FRMD4B: variants seen among roughly 807,000 people sequenced by gnomAD.
FRMD4B encodes FERM domain containing 4B, also known as FERM domain-containing protein 4B.
FRMD4B carries 74 observed loss-of-function variants against 141.5 expected under a neutral mutation model. The ratio of observed to expected loss-of-function variants is 0.52; its 90% CI spans 0.43 to 0.63. FRMD4B has a LOEUF of 0.63. Ranked by LOEUF, FRMD4B falls within the 30% of genes least tolerant of loss-of-function variation. FRMD4B has a pLI of 0.00. For synonymous variants in FRMD4B, 506 were observed against 467.9 expected (o/e 1.08, Z -1.05); for missense variants, 1,366 against 1,253.4 (o/e 1.09, Z -1.36).
rs1046604221 is a variant in FRMD4B, at chr3:69,206,473, C to T, written c.877-7699G>A. 2.6e-5 allele frequency among the ~76,000 whole-genome samples: 4 copies of T among 152,138 alleles called. No individual in the cohort carries two copies. In the South Asian group the frequency reaches 6.2e-4, roughly 24 times the overall value. ...TATTGGGAAATGTATAACGTAAAAA[C>T]GAGAACACCTAAAAGGATGTCATCA... On this transcript the variant is annotated intron_variant, in intron 11 of 22. Transcript: ENST00000398540.
At chr3:69,481,452 G>C (rs1011747014) in intron 1 of FRMD4B, among the ~76,000 whole-genome samples, 1 of 152,076 alleles carries the variant, frequency 6.6e-6, no homozygotes, top group African/African-American at 2.4e-5. Flanking sequence ...GGACTTTTTT[G>C]GTTATAGATG....
At chr3:69,289,983 T>C (rs2107086601) in intron 4 of FRMD4B, among the ~76,000 whole-genome samples, 1 of 152,290 alleles carries the variant, frequency 6.6e-6, no homozygotes, top group South Asian at 2.1e-4. Context: ...GAGCACTTCC[T>C]AAGGCAACTT....
chr3:69,413,472 C>A (rs1704795361), intron 2 of FRMD4B, among the ~76,000 whole-genome samples: 1 of 152,204 alleles, frequency 6.6e-6, no homozygotes, highest in Non-Finnish European at 1.5e-5. Flanking sequence ...ATTAGGCACA[C>A]TAAATGTTCT....
intron 1 of FRMD4B, among the ~76,000 whole-genome samples, chr3:69,380,457 G>T (rs564176082): frequency 6.6e-6 from 1 of 152,166 alleles, no homozygotes; most frequent in Non-Finnish European, 1.5e-5. Flanking sequence ...ATAAACCAGA[G>T]CTAACATTTA....
At chr3:69,505,063 G>A (rs17006036) in intron 1 of FRMD4B, among the ~76,000 whole-genome samples, 2,374 of 145,610 alleles carry the variant, frequency 0.016, 62 homozygotes, top group African/African-American at 0.058. Flanking sequence ...GATGGACAAG[G>A]ACACTCCCAA....
intron 1 of FRMD4B, among the ~76,000 whole-genome samples, chr3:69,482,078 T>G (rs995260593): frequency 6.6e-6 from 1 of 152,180 alleles, no homozygotes; most frequent in African/African-American, 2.4e-5. Context: ...GAAATTCTGT[T>G]TGGGGACAAA....
intron 2 of FRMD4B, among the ~76,000 whole-genome samples, chr3:69,415,418 T>C (rs1383824562): frequency 6.6e-6 from 1 of 152,080 alleles, no homozygotes; most frequent in Non-Finnish European, 1.5e-5. Flanking sequence ...ATGTCTGTGG[T>C]CAAGCCCCAT....
intron 1 of FRMD4B, among the ~76,000 whole-genome samples, chr3:69,365,598 A>AT (rs111813112): frequency 0.23 from 34,903 of 151,310 alleles, 5,306 homozygotes; most frequent in African/African-American, 0.44. Flanking sequence ...TGCCTCCCGA[A>AT]TCAAGCAATT....
At chr3:69,424,648 GA>G (rs1188654341) in intron 2 of FRMD4B, among the ~76,000 whole-genome samples, 2 of 152,144 alleles carry the variant, frequency 1.3e-5, no homozygotes, top group Admixed American at 6.5e-5. Flanking sequence ...TTAAACAAAT[GA>G]GATATTTTTT....
At chr3:69,365,538 T>A (rs939760864) in intron 1 of FRMD4B, among the ~76,000 whole-genome samples, 2 of 151,658 alleles carry the variant, frequency 1.3e-5, no homozygotes, top group Non-Finnish European at 2.9e-5. Context: ...GGAGTCTTGC[T>A]CTGTTGCCCA....
intron 1 of FRMD4B, among the ~76,000 whole-genome samples, chr3:69,521,895 C>T (rs1478450471): frequency 6.6e-6 from 1 of 152,196 alleles, no homozygotes; most frequent in Non-Finnish European, 1.5e-5. Flanking sequence ...CCACGTTGCA[C>T]CCTCTTGCTC....
chr3:69,474,534 C>T (rs1015526085), intron 1 of FRMD4B, among the ~76,000 whole-genome samples: 2 of 152,134 alleles, frequency 1.3e-5, no homozygotes, highest in Non-Finnish European at 2.9e-5. Flanking sequence ...CAGTGGAGTT[C>T]CTGGTAGTTC....
At chr3:69,202,988 T>C (rs766380718) in intron 11 of FRMD4B, among the ~76,000 whole-genome samples, 8 of 151,464 alleles carry the variant, frequency 5.3e-5, no homozygotes, top group Admixed American at 2.0e-4. Context: ...AATTTAAAAC[T>C]GACACAGAAA....
At chr3:69,202,479 T>TA (rs1185152077) in intron 11 of FRMD4B, among the ~76,000 whole-genome samples, 3,467 of 126,970 alleles carry the variant, frequency 0.027, 131 homozygotes, top group African/African-American at 0.086. Context: ...ATTAGAGACT[T>TA]AAAAAAAAAA....
At chr3:69,295,078 T>C (rs901655927) in intron 4 of FRMD4B, among the ~76,000 whole-genome samples, 7 of 152,172 alleles carry the variant, frequency 4.6e-5, no homozygotes, top group African/African-American at 1.4e-4. Flanking sequence ...TTAACATTTA[T>C]ATAGGGTCTA....
At chr3:69,216,984 T>TAA (rs879663207) in intron 10 of FRMD4B, among the ~76,000 whole-genome samples, 6 of 143,216 alleles carry the variant, frequency 4.2e-5, no homozygotes, top group African/African-American at 1.5e-4. Flanking sequence ...AGTTATCCAT[T>TAA]AAAAAAAAAA....
At chr3:69,282,761 C>T (rs1010272078) in intron 5 of FRMD4B, among the ~76,000 whole-genome samples, 3 of 151,998 alleles carry the variant, frequency 2.0e-5, no homozygotes, top group African/African-American at 7.2e-5. Flanking sequence ...CCTCAGCCTC[C>T]GGAGTAGGTG....
chr3:69,396,085 C>G (rs1036151298), intron 2 of FRMD4B, among the ~76,000 whole-genome samples: 3 of 152,176 alleles, frequency 2.0e-5, no homozygotes, highest in African/African-American at 7.2e-5. Flanking sequence ...ACCTATTCCC[C>G]TCTTTTTCAA....
chr3:69,181,562 A>G lies in FRMD4B; in HGVS notation c.2188T>C (p.Ser730Pro). 6.2e-7 allele frequency: 1 copy of G among 1,613,726 alleles called. No homozygotes were observed. The highest frequency in any genetic ancestry group is 8.5e-7 in the Non-Finnish European group (1 of 1,179,824). Residue 730 changes from serine (S) to proline (P), a missense_variant, in exon 21 of 23, where the codon TCT becomes CCT. Coordinates refer to ENST00000398540, the MANE Select transcript of FRMD4B (RefSeq NM_015123.3). ...SSSTEILDDGSSYTSQSSTEY... is the reference protein window; with the variant it reads ...SSSTEILDDGPSYTSQSSTEY... The stretch of plus-strand genomic sequence containing the variant: ...GTGCTTGATTGGCTTGTATAAGAAG[A>G]CCCGTCATCGAGGATTTCTGTGCTG...
Sources: gnomAD v4.1 joint callset for allele counts (sites outside exome capture counted in the v4.1 genomes callset) on GRCh38, gnomAD v4.1.1 for gene constraint, MANE v1.5 for transcripts, NCBI Gene and HGNC (gene_info 2026-07-23, HGNC 2026-07-21) for gene names.